LYPLAL1: variants seen among roughly 807,000 people sequenced by gnomAD.
LYPLAL1 encodes lysophospholipase like 1.
A neutral mutation model predicts 19.7 loss-of-function variants in LYPLAL1; 23 were observed. The observed-to-expected ratio is 1.17, with a 90% CI of 0.84 to 1.65. The LOEUF is 1.65. LYPLAL1 is among the 40% of genes most tolerant of loss of function. The pLI, the probability that LYPLAL1 is intolerant of heterozygous loss-of-function variation, is 0.00. For missense variants in LYPLAL1, 355 were observed against 279.4 expected (o/e 1.27, Z -1.93); for synonymous variants, 119 against 96.3 (o/e 1.24, Z -1.38).
the LYPLAL1 span, among the ~76,000 whole-genome samples, chr1:219,430,521 A>G: frequency 2.0e-5 from 3 of 152,196 alleles, no homozygotes; most frequent in Non-Finnish European, 4.4e-5. Flanking sequence ...TTAAGTATTC[A>G]GTAAATGTTT....
chr1:219,210,727 C>T, intron 4 of LYPLAL1, 80 bp downstream of exon 4: 1 of 1,288,280 alleles, frequency 7.8e-7, no homozygotes, highest in Non-Finnish European at 1.1e-6. Context: ...GGTAATAAAG[C>T]TGTAAAACAC....
At chr1:219,207,725 G>A (rs1380400901) in intron 3 of LYPLAL1, among the ~76,000 whole-genome samples, 1 of 151,970 alleles carries the variant, frequency 6.6e-6, no homozygotes, top group African/African-American at 2.4e-5. Flanking sequence ...AGAAGAATCA[G>A]CAACAGAAGT....
the LYPLAL1 span, among the ~76,000 whole-genome samples, chr1:219,263,254 A>G: frequency 1.3e-5 from 2 of 152,018 alleles, no homozygotes; most frequent in African/African-American, 4.8e-5. Flanking sequence ...GCTTCATTGT[A>G]TATGTCACCA....
chr1:219,312,027 G>A, the LYPLAL1 span, among the ~76,000 whole-genome samples: 3 of 152,168 alleles, frequency 2.0e-5, no homozygotes, highest in Non-Finnish European at 4.4e-5. Context: ...TAATCATTCT[G>A]CTTTCTGAGC....
chr1:219,219,734 G>T, the LYPLAL1 span, among the ~76,000 whole-genome samples: 2 of 152,084 alleles, frequency 1.3e-5, no homozygotes, highest in African/African-American at 4.8e-5. Context: ...GTGTGCATGT[G>T]TCTGTGTAAA....
chr1:219,191,188 T>C (rs1657154195), intron 2 of LYPLAL1, among the ~76,000 whole-genome samples: 1 of 151,674 alleles, frequency 6.6e-6, no homozygotes, highest in African/African-American at 2.4e-5. Flanking sequence ...ACAACTTTTA[T>C]GGAAGCAACT....
At chr1:219,409,444 T>TCTCACACACACACACACACACA in the LYPLAL1 span, 2 of 4,700 alleles carry the variant, frequency 4.3e-4, no homozygotes, top group Admixed American at 2.5e-3. Flanking sequence ...CAAGACCTTG[T>TCTCACACACACACACACACACA]CACACACACA....
At chr1:219,234,059 A>T in the LYPLAL1 span, among the ~76,000 whole-genome samples, 3 of 152,164 alleles carry the variant, frequency 2.0e-5, no homozygotes, top group Admixed American at 2.0e-4. Context: ...AACCTTACTA[A>T]GTATTGCTAT....
chr1:219,335,869 G>A, the LYPLAL1 span, among the ~76,000 whole-genome samples: 3 of 151,640 alleles, frequency 2.0e-5, no homozygotes, highest in Admixed American at 6.6e-5. Flanking sequence ...GTTGTGGACA[G>A]ACCCTAATAA....
the LYPLAL1 span, among the ~76,000 whole-genome samples, chr1:219,403,810 C>T: frequency 6.6e-6 from 1 of 152,098 alleles, no homozygotes; most frequent in Non-Finnish European, 1.5e-5. Flanking sequence ...TTCAATGAGC[C>T]ATTTATATAT....
chr1:219,194,229 T>C (rs942917163), intron 3 of LYPLAL1, among the ~76,000 whole-genome samples: 4 of 151,930 alleles, frequency 2.6e-5, no homozygotes, highest in Non-Finnish European at 4.4e-5. Flanking sequence ...TTTCTGTGTT[T>C]CCATGTTTAA....
At chr1:219,315,516 A>G in the LYPLAL1 span, among the ~76,000 whole-genome samples, 2 of 152,192 alleles carry the variant, frequency 1.3e-5, no homozygotes, top group South Asian at 2.1e-4. Context: ...ATTTAGTAAC[A>G]TATGGATTAA....
the LYPLAL1 span, among the ~76,000 whole-genome samples, chr1:219,291,474 A>G: frequency 6.6e-6 from 1 of 152,216 alleles, no homozygotes; most frequent in South Asian, 2.1e-4. Context: ...TTGGGAACAC[A>G]TGTCAGCTGA....
intron 3 of LYPLAL1, chr1:219,200,556 T>C (rs1658015100): frequency 6.2e-6 from 1 of 160,692 alleles, no homozygotes; most frequent in Non-Finnish European, 1.4e-5. Context: ...TGTTGGATTG[T>C]TGATACCACA....
the LYPLAL1 span, chr1:219,410,143 G>T: frequency 2.0e-5 from 3 of 152,118 alleles, no homozygotes; most frequent in East Asian, 1.9e-4. Flanking sequence ...ATTGGAAAAA[G>T]AATTTTAAGT....
chr1:219,207,256 T>A (rs1658649848), intron 3 of LYPLAL1, among the ~76,000 whole-genome samples: 1 of 152,076 alleles, frequency 6.6e-6, no homozygotes, highest in Admixed American at 6.6e-5. Context: ...TTTACCCATT[T>A]TACTTAATTT....
At chr1:219,441,930 T>C in the LYPLAL1 span, among the ~76,000 whole-genome samples, 2 of 152,000 alleles carry the variant, frequency 1.3e-5, no homozygotes, top group Non-Finnish European at 2.9e-5. Context: ...CCATCCCCAC[T>C]GCAAAGAATC....
At chr1:219,257,599 G>A in the LYPLAL1 span, among the ~76,000 whole-genome samples, 2 of 152,002 alleles carry the variant, frequency 1.3e-5, no homozygotes, top group East Asian at 3.9e-4. Flanking sequence ...AAAAGGGGAG[G>A]GACTGTATGA....
At chr1:219,412,515 C>A in the LYPLAL1 span, among the ~76,000 whole-genome samples, 1 of 152,158 alleles carries the variant, frequency 6.6e-6, no homozygotes, top group Non-Finnish European at 1.5e-5. Context: ...TACTGTGAGT[C>A]AGATGCATAG....
Sources: gnomAD v4.1 joint callset for allele counts (sites outside exome capture counted in the v4.1 genomes callset) on GRCh38, gnomAD v4.1.1 for gene constraint, MANE v1.5 for transcripts, NCBI Gene and HGNC (gene_info 2026-07-23, HGNC 2026-07-21) for gene names.